Variants in BCOR observed in about 807,000 individuals in gnomAD.
BCOR encodes BCL6 corepressor, also known as BCL-6 corepressor.
A neutral mutation model predicts 86.7 loss-of-function variants in BCOR; 10 were observed. The ratio of observed to expected loss-of-function variants is 0.12; its 90% CI spans 0.07 to 0.20. BCOR has a LOEUF of 0.20. Ranked by LOEUF, BCOR falls within the 10% of genes least tolerant of loss-of-function variation. The pLI, the probability that BCOR is intolerant of heterozygous loss-of-function variation, is 1.00. For synonymous variants in BCOR, 611 were observed against 609.0 expected, an observed-to-expected ratio of 1.00 and a Z score of -0.05; for missense variants, 1,259 against 1,452.1, an observed-to-expected ratio of 0.87 and a Z score of 2.16.
intron 1 of BCOR, among the ~76,000 whole-genome samples, chrX:40,153,421 C>T (rs1156469544): frequency 8.9e-6 from 1 of 111,898 alleles, no homozygotes; most frequent in Non-Finnish European, 1.9e-5. Flanking sequence ...CCGAGAGTGC[C>T]GGGTCAGTGA....
At chrX:40,063,109 G>T in intron 8 of BCOR, 38 bp from the exon 9 acceptor site, 1 of 945,966 alleles carries the variant, frequency 1.1e-6, no homozygotes, top group Non-Finnish European at 1.4e-6. Flanking sequence ...CGGGCGGATG[G>T]GAGACGGGAG....
At chrX:40,141,509 C>T (rs772471134) in intron 1 of BCOR, among the ~76,000 whole-genome samples, 46 of 112,069 alleles carry the variant, frequency 4.1e-4, no homozygotes, top group African/African-American at 1.5e-3. Context: ...TTAAGCTAGC[C>T]CCCTTCTCTG....
intron 1 of BCOR, among the ~76,000 whole-genome samples, chrX:40,137,217 T>C (rs1937699253): frequency 1.8e-5 from 2 of 112,246 alleles, no homozygotes; most frequent in South Asian, 7.3e-4. Flanking sequence ...AAGCCTAACA[T>C]TAGGTGCAGT....
At chrX:40,100,013 C>T (rs1937041651), upstream of BCOR, among the ~76,000 whole-genome samples, 1 of 111,453 alleles carries the variant, frequency 9.0e-6, no homozygotes, top group South Asian at 3.7e-4. Context: ...TTTTTAATCT[C>T]CGGTAACAAG....
At chrX:40,145,518 C>T (rs1484180951) in intron 1 of BCOR, among the ~76,000 whole-genome samples, 1 of 111,160 alleles carries the variant, frequency 9.0e-6, no homozygotes, top group Non-Finnish European at 1.9e-5. Flanking sequence ...AAAGAGTCCC[C>T]GTTCAGGTCC....
chrX:40,074,559 A>T lies in BCOR; in HGVS notation c.787T>A (p.Ser263Thr). Residue 263 changes from serine (S) to threonine (T), a missense_variant, in exon 4 of 15, where the codon TCA becomes ACA. This residue lies in a region of BCOR where 534 missense variants were observed against 594.8 expected (regional missense o/e 0.90). Transcript: ENST00000378444. ...VGPHIPSSLASPMRLSTPSAS... is the reference protein window; with the variant it reads ...VGPHIPSSLATPMRLSTPSAS... Reference sequence around the variant, plus strand: ...GAAGGTGTCGAGAGCCTCATGGGTGATGCCAAGGACGATGGGATGTGGGGA... The same window carrying T: ...GAAGGTGTCGAGAGCCTCATGGGTGTTGCCAAGGACGATGGGATGTGGGGA... 8.3e-7 allele frequency: 1 copy of T among 1,211,313 alleles called. No homozygotes were observed. Among genetic ancestry groups the T allele is most frequent in the Non-Finnish European group, 1.1e-6 (1 of 895,119 alleles).
At chrX:40,083,335 G>A (rs1412326806) in intron 1 of BCOR, among the ~76,000 whole-genome samples, 1 of 111,014 alleles carries the variant, frequency 9.0e-6, no homozygotes, top group African/African-American at 3.3e-5. Flanking sequence ...TGGGGGTGAG[G>A]GAAGTGATCC....
At position 40,119,008 on chromosome X, in the gene BCOR, T is replaced by A. The variant is rs941635036; in HGVS notation, c.-40-41039A>T. Among the ~76,000 whole-genome samples, 3 of 112,119 alleles carry A rather than the reference T, an allele frequency of 2.7e-5. No homozygotes were observed. In the East Asian group the frequency reaches 8.5e-4, roughly 32 times the overall value. ...CCACCACGCCCAGCTAATTTTTGTA[T>A]TTTTAGTAGAGACAGGGTTTTGCCA... On this transcript the variant is annotated intron_variant, in intron 1 of 14. Coordinates refer to the BCOR transcript ENST00000342274.
At chrX:40,120,996 G>A (rs920672904) in intron 1 of BCOR, among the ~76,000 whole-genome samples, 7 of 111,612 alleles carry the variant, frequency 6.3e-5, no homozygotes, top group Non-Finnish European at 9.4e-5. Context: ...GCAGGCAGAG[G>A]CAAAGCCAGT....
chrX:40,054,778 C>T (rs1177455658), intron 12 of BCOR, among the ~76,000 whole-genome samples: 1 of 112,913 alleles, frequency 8.9e-6, no homozygotes, highest in Non-Finnish European at 1.9e-5. Flanking sequence ...GCTGGGATTA[C>T]AGGCGTGAGC....
At chrX:40,084,759 A>C (rs1936280314) in intron 1 of BCOR, among the ~76,000 whole-genome samples, 2 of 107,241 alleles carry the variant, frequency 1.9e-5, no homozygotes, top group Non-Finnish European at 3.9e-5. Flanking sequence ...AAGGCTAATA[A>C]CAACAGCTAT....
intron 12 of BCOR, among the ~76,000 whole-genome samples, chrX:40,054,930 A>C (rs1299424974): frequency 1.8e-5 from 2 of 112,540 alleles, no homozygotes; most frequent in African/African-American, 6.5e-5. Flanking sequence ...GTGCCTGATA[A>C]GGACTTTAAC....
At position 40,074,264 on chromosome X, in the gene BCOR, T is replaced by C; in HGVS notation, c.1082A>G (p.Tyr361Cys). The C allele has an allele frequency of 1.7e-6, 2 of 1,211,866 alleles. No homozygotes were observed. Among genetic ancestry groups the C allele is most frequent in the South Asian group, 1.8e-5 (1 of 57,015 alleles). The change falls in exon 4 of 15, where the codon TAT (tyrosine) becomes TGT (cysteine). Residue 361 changes from tyrosine (Y) to cysteine (C), a missense_variant. Tyr to Cys is a radical substitution (Grantham distance 194, BLOSUM62 -2). Transcript: ENST00000378444. ...ADTYSEFHKH[Y>C]ARISTSPSVA... ...TGAAGGAGAGGTGGAGATCCTGGCA[T>C]AGTGCTTGTGGAACTCCGAGTAGGT...
intron 1 of BCOR, among the ~76,000 whole-genome samples, chrX:40,165,070 T>C (rs1166880033): frequency 9.0e-6 from 1 of 111,481 alleles, no homozygotes; most frequent in East Asian, 2.8e-4. Context: ...TGGAATGTGA[T>C]GGACCGAGGA....
At chrX:40,141,175 G>A (rs923228999) in intron 1 of BCOR, among the ~76,000 whole-genome samples, 3 of 112,590 alleles carry the variant, frequency 2.7e-5, no homozygotes, top group Non-Finnish European at 3.8e-5. Context: ...TTTGGGGGGC[G>A]ACGGGGCCTG....
intron 1 of BCOR, among the ~76,000 whole-genome samples, chrX:40,167,440 G>A (rs1170943851): frequency 3.5e-5 from 4 of 112,706 alleles, no homozygotes; most frequent in Non-Finnish European, 7.5e-5. Flanking sequence ...AAATGCTCTG[G>A]GGAGGGGAGG....
At chrX:40,158,569 C>T (rs1407183737) in intron 1 of BCOR, among the ~76,000 whole-genome samples, 1 of 112,480 alleles carries the variant, frequency 8.9e-6, no homozygotes, top group East Asian at 2.8e-4. Context: ...GATTTTAATC[C>T]TGAGAAACGA....
intron 1 of BCOR, among the ~76,000 whole-genome samples, chrX:40,156,033 TCCGCGCC>T (rs1335921646): frequency 3.5e-5 from 4 of 113,417 alleles, no homozygotes; most frequent in Non-Finnish European, 7.5e-5. Flanking sequence ...CCGCGCGTCC[TCCGCGCC>T]CTGCTGTCGT....
intron 14 of BCOR, among the ~76,000 whole-genome samples, chrX:40,052,909 G>C (rs1268083064): frequency 9.0e-6 from 1 of 111,698 alleles, no homozygotes; most frequent in Non-Finnish European, 1.9e-5. Context: ...ACTTCTAGCA[G>C]TAGGAACTCT....
Sources: allele counts gnomAD v4.1 joint callset (sites outside exome capture counted in the v4.1 genomes callset), GRCh38; gene constraint gnomAD v4.1.1; regional missense constraint gnomAD v4.1.1; transcripts MANE v1.5; gene names NCBI Gene and HGNC (gene_info 2026-07-23, HGNC 2026-07-21).